APPL2: variants seen among roughly 807,000 people sequenced by gnomAD.
APPL2 encodes DCC-interacting protein 13-beta.
Under a neutral mutation model 92.7 loss-of-function variants are expected in APPL2, and 84 were observed. The observed-to-expected ratio is 0.91, with a 90% CI of 0.76 to 1.09. The LOEUF is 1.09. Ranked by LOEUF, APPL2 falls within the 50% of genes least tolerant of loss-of-function variation. The pLI is 0.00. For missense variants in APPL2, 736 were observed against 824.5 expected (o/e 0.89, Z 1.31); for synonymous variants, 291 against 291.0 (o/e 1.00, Z 0.00).
At chr12:105,174,799 A>T (rs1885339700) in intron 20 of APPL2, among the ~76,000 whole-genome samples, 1 of 147,172 alleles carries the variant, frequency 6.8e-6, no homozygotes, top group Non-Finnish European at 1.5e-5. Context: ...TCATTTGGCT[A>T]ACCATTTGAT....
chr12:105,223,971 G>A lies in APPL2; in HGVS notation c.153+5154C>T, dbSNP rs185538493. On this transcript the variant is annotated intron_variant, in intron 2 of 20. Coordinates refer to ENST00000258530, the MANE Select transcript of APPL2 (RefSeq NM_018171.5). The stretch of plus-strand genomic sequence containing the variant: ...ACCTGCCCAAGGTTACACAGCAAGC[G>A]GCTGAGCCAAGACTGGAACTCAGAT... Among the ~76,000 whole-genome samples, 206 of 152,210 alleles carry A rather than the reference G, an allele frequency of 1.4e-3. 1 individual carries two copies. The highest frequency in any genetic ancestry group is 1.8e-3 in the African/African-American group (74 of 41,496).
In APPL2 at chr12:105,174,461, G is replaced by C. The variant is rs577309656; in HGVS notation, c.1861-13C>G. On this transcript the variant is annotated splice_polypyrimidine_tract_variant and intron_variant, in intron 20 of 20. Transcript: ENST00000258530. Reference sequence around the variant, plus strand: ...GTGCTTCTGGATCCTGAAGTTAGGAGAGTTTAAAAGGGAAAAAAGAAAAGG... The same window carrying C: ...GTGCTTCTGGATCCTGAAGTTAGGACAGTTTAAAAGGGAAAAAAGAAAAGG... The C allele has an allele frequency of 1.8e-4, 294 of 1,606,640 alleles. 4 individuals are homozygous for C. In the South Asian group the frequency reaches 2.8e-3, roughly 15 times the overall value.
At position 105,177,004 on chromosome 12, in the gene APPL2, T is replaced by C. The variant is rs1179220177; in HGVS notation, c.1684A>G (p.Ser562Gly). The change falls in exon 19 of 21, where the codon AGT becomes GGT. Residue 562 changes from serine (S) to glycine (G), a missense_variant. Coordinates refer to ENST00000258530, the MANE Select transcript of APPL2 (RefSeq NM_018171.5). Reference protein sequence around the residue: ...QVSRANFELTSVTQFAAHQEN... With the variant: ...QVSRANFELTGVTQFAAHQEN... ...TGATGAGCAGCAAATTGTGTGACACTGGTAAGTTCAAACTGGGGGGTGGAA... is the reference window on the plus strand; with the variant it reads ...TGATGAGCAGCAAATTGTGTGACACCGGTAAGTTCAAACTGGGGGGTGGAA... 1 of 1,614,032 alleles carries C rather than the reference T, an allele frequency of 6.2e-7. No homozygotes were observed. The highest frequency in any genetic ancestry group is 1.1e-5 in the South Asian group (1 of 91,066).
intron 7 of APPL2, 110 bp from the exon 8 acceptor site, chr12:105,207,317 A>T: frequency 9.1e-7 from 1 of 1,097,408 alleles, no homozygotes; most frequent in Non-Finnish European, 1.3e-6. Context: ...TTTTGTGACA[A>T]ATATAACAAA....
intron 11 of APPL2, among the ~76,000 whole-genome samples, chr12:105,197,095 G>A (rs1175955534): frequency 6.6e-6 from 1 of 152,160 alleles, no homozygotes; most frequent in Non-Finnish European, 1.5e-5. Flanking sequence ...CCCCAGGCAG[G>A]TGAACCCTGA....
chr12:105,186,265 A>C (rs1227706484), intron 17 of APPL2, among the ~76,000 whole-genome samples: 2 of 152,186 alleles, frequency 1.3e-5, no homozygotes, highest in South Asian at 4.1e-4. Flanking sequence ...AAAATGCTCC[A>C]ATGAGCATCT....
intron 14 of APPL2, among the ~76,000 whole-genome samples, chr12:105,193,241 AT>A (rs1887376631): frequency 6.6e-6 from 1 of 152,152 alleles, no homozygotes; most frequent in Non-Finnish European, 1.5e-5. Flanking sequence ...TAGGCTGCAA[AT>A]TGTCTTTTTA....
intron 14 of APPL2, among the ~76,000 whole-genome samples, chr12:105,192,980 C>A (rs1887348954): frequency 6.6e-6 from 1 of 152,162 alleles, no homozygotes; most frequent in African/African-American, 2.4e-5. Flanking sequence ...CCACTGTCAT[C>A]AAAACATTGC....
At chr12:105,227,518 T>C (rs1890611117) in intron 2 of APPL2, among the ~76,000 whole-genome samples, 1 of 152,200 alleles carries the variant, frequency 6.6e-6, no homozygotes, top group African/African-American at 2.4e-5. Flanking sequence ...CTGCGCCTCT[T>C]CCTGTGTTCT....
At chr12:105,193,895 T>A (rs1400348269) in intron 14 of APPL2, among the ~76,000 whole-genome samples, 1 of 152,200 alleles carries the variant, frequency 6.6e-6, no homozygotes, top group Non-Finnish European at 1.5e-5. Flanking sequence ...GCCCATTTTC[T>A]CAAAACCTTC....
rs778990857 is a variant in APPL2, at chr12:105,205,494, G to A, written c.621+1567C>T. Among the ~76,000 whole-genome samples the A allele has an allele frequency of 7.9e-5, 12 of 152,280 alleles. No individual in the cohort carries two copies. In the South Asian group the frequency reaches 8.3e-4, roughly 11 times the overall value. On this transcript the variant is annotated intron_variant, in intron 8 of 20. Transcript: ENST00000258530. ...ACTCACTTAAGAGAGTCCAGGCTGG[G>A]AGCAGTGAGGTAGTCCTTGGCCATG...
intron 1 of APPL2, chr12:105,229,702 T>C (rs994376250): frequency 1.0e-6 from 1 of 986,796 alleles, no homozygotes; most frequent in Non-Finnish European, 1.2e-6. Flanking sequence ...TTTTGTAATC[T>C]TGGATGTCTT....
At chr12:105,201,824 C>T (rs905119646) in intron 9 of APPL2, among the ~76,000 whole-genome samples, 3 of 152,082 alleles carry the variant, frequency 2.0e-5, no homozygotes, top group African/African-American at 7.2e-5. Context: ...ATAAAGAAAG[C>T]TCTGCAGGGT....
chr12:105,191,204 C>A (rs960770089), intron 14 of APPL2, among the ~76,000 whole-genome samples: 2 of 152,238 alleles, frequency 1.3e-5, no homozygotes, highest in Middle Eastern at 3.4e-3. Context: ...CAAGGCAAGC[C>A]CTTGGAGACC....
intron 1 of APPL2, 120 bp downstream of exon 1, chr12:105,235,839 G>A: frequency 2.6e-6 from 2 of 764,482 alleles, no homozygotes. Context: ...GAGGCGCCGC[G>A]AGGGGGCCGG....
rs1277720370 is a variant in APPL2 at position 105,177,257 on chromosome 12, A to G, written c.1640T>C (p.Ile547Thr). The G allele has an allele frequency of 6.2e-7, 1 of 1,613,618 alleles. No homozygotes were observed. Among genetic ancestry groups the G allele is most frequent in the Non-Finnish European group, 8.5e-7 (1 of 1,179,620 alleles). The change falls in exon 18 of 21, where the codon ATA becomes ACA. Residue 547 changes from isoleucine (I) to threonine (T), a missense_variant. Transcript: ENST00000258530. ...CCTTGATACTTGAGTCTGTGGATCT[A>G]TCAACCTGAAATTTTAAAAGATACA... ...LMVTSQSLRL[I>T]DPQTQVSRAN...
chr12:105,231,130 A>G (rs952450090), intron 1 of APPL2, among the ~76,000 whole-genome samples: 1 of 152,228 alleles, frequency 6.6e-6, no homozygotes, highest in Non-Finnish European at 1.5e-5. Context: ...TAATCTACTA[A>G]TGGATGTCAA....
chr12:105,192,054 C>T (rs1887247430), intron 14 of APPL2, among the ~76,000 whole-genome samples: 2 of 144,882 alleles, frequency 1.4e-5, no homozygotes, highest in African/African-American at 5.2e-5. Flanking sequence ...GGATGTTTCA[C>T]AGGCCTCTCA....
chr12:105,199,464 C>A lies in APPL2; in HGVS notation c.772G>T (p.Asp258Tyr), dbSNP rs200933846. 29 of 1,614,140 alleles carry A rather than the reference C, an allele frequency of 1.8e-5. No individual in the cohort carries two copies. The African/African-American group carries it at 3.7e-4, about 21-fold the overall frequency. Residue 258 changes from aspartate to tyrosine, a missense_variant, in exon 10 of 21, where the codon GAT (aspartate) becomes TAT (tyrosine). Physicochemically the swap from Asp to Tyr is radical, Grantham distance 160. Coordinates refer to ENST00000258530, the MANE Select transcript of APPL2 (RefSeq NM_018171.5). ...GAGTCTGGAGTGTAAACAGATTCAT[C>A]AACAGAAAGTAATTCTTGCTGGGAC... is the stretch of plus-strand genomic sequence containing the variant. ...RVSQQELLSV[D>Y]ESVYTPDSDV...
Sources: allele counts gnomAD v4.1 joint callset (sites outside exome capture counted in the v4.1 genomes callset), GRCh38; gene constraint gnomAD v4.1.1; transcripts MANE v1.5; gene names NCBI Gene and HGNC (gene_info 2026-07-23, HGNC 2026-07-21).